The following PCDHA7 variants were observed in gnomAD, a reference collection of about 807,000 sequenced individuals.
PCDHA7 encodes protocadherin alpha-7.
Under a neutral mutation model 57.2 loss-of-function variants are expected in PCDHA7, and 37 were observed. The ratio of observed to expected loss-of-function variants is 0.65; its 90% CI spans 0.50 to 0.85. The LOEUF (loss-of-function observed/expected upper bound fraction) is 0.85, where lower values mean the gene tolerates loss of function less well. Among genes scored for constraint, PCDHA7 ranks in the 40% least tolerant of loss-of-function variants. PCDHA7 has a pLI of 0.00. For synonymous variants in PCDHA7, 553 were observed against 558.8 expected, an observed-to-expected ratio of 0.99 and a Z score of 0.15; for missense variants, 1,188 against 1,241.8, an observed-to-expected ratio of 0.96 and a Z score of 0.65.
At chr5:140,966,448 C>T (rs1198594007) in intron 1 of PCDHA7, 2 of 425,466 alleles carry the variant, frequency 4.7e-6, no homozygotes, top group Non-Finnish European at 8.2e-6. Context: ...TCCCTTTCCC[C>T]CTCCCCCTCT....
At chr5:140,869,951 CAATT>C (rs1554163647) in intron 1 of PCDHA7, 4 of 1,611,984 alleles carry the variant, frequency 2.5e-6, no homozygotes, top group Non-Finnish European at 3.4e-6. Flanking sequence ...TCCTTAATGT[CAATT>C]AAGCCCAATG....
rs2150352626 is a variant in PCDHA7, at chr5:140,843,105, G to T, written c.2355+6367G>T. On this transcript the variant is annotated intron_variant, in intron 1 of 3. Coordinates refer to ENST00000525929, the MANE Select transcript of PCDHA7 (RefSeq NM_018910.3). ...GCGGGCCACGTGGTAGCGAAGGTGC[G>T]CGCAGTGGACGCCGACTCGGGCTAC... 11 of 1,595,772 alleles carry T rather than the reference G, an allele frequency of 6.9e-6. 2 individuals carry two copies. Among genetic ancestry groups the T allele is most frequent in the Non-Finnish European group, 9.4e-6 (11 of 1,165,508 alleles).
chr5:140,868,138 A>G (rs1436780455), intron 1 of PCDHA7: 7 of 152,142 alleles, frequency 4.6e-5, no homozygotes, highest in African/African-American at 1.4e-4. Context: ...CTGTCATATC[A>G]TTGATTCTGT....
chr5:140,979,020 C>T lies in PCDHA7; in HGVS notation c.2414+13C>T. The T allele has an allele frequency of 6.2e-7, 1 of 1,613,708 alleles. No individual in the cohort carries two copies. Among genetic ancestry groups the T allele is most frequent in the Non-Finnish European group, 8.5e-7 (1 of 1,179,840 alleles). On this transcript the variant is annotated intron_variant, in intron 2 of 3. Transcript: ENST00000525929. ...CAGGCATGCACAGGTATGTATTTCC[C>T]TCCTCATTCACTCAGAAGTAACCTT...
chr5:140,869,211 G>C (rs375218342), intron 1 of PCDHA7: 26 of 1,613,838 alleles, frequency 1.6e-5, no homozygotes, highest in African/African-American at 1.5e-4. Flanking sequence ...ACTCCGTCTC[G>C]GAGGAGGCCA....
intron 1 of PCDHA7, among the ~76,000 whole-genome samples, chr5:140,904,057 G>T (rs1043471579): frequency 6.6e-6 from 1 of 151,986 alleles, no homozygotes; most frequent in Non-Finnish European, 1.5e-5. Context: ...ATTTCAATGG[G>T]TTTTTGGGGA....
intron 1 of PCDHA7, among the ~76,000 whole-genome samples, chr5:140,839,701 G>A (rs1342678083): frequency 6.6e-6 from 1 of 152,034 alleles, no homozygotes; most frequent in Non-Finnish European, 1.5e-5. Context: ...GGTAAATAAT[G>A]TGATGACAAA....
intron 1 of PCDHA7, chr5:140,966,810 G>A (rs1290992432): frequency 3.9e-6 from 6 of 1,548,566 alleles, no homozygotes; most frequent in African/African-American, 1.4e-5. Context: ...GAGCATCCAC[G>A]GCTCCGGCGG....
At chr5:140,857,799 T>A (rs1554150681) in intron 1 of PCDHA7, 1 of 1,597,340 alleles carries the variant, frequency 6.3e-7, no homozygotes, top group Non-Finnish European at 8.6e-7. Flanking sequence ...CTGCGGTCGG[T>A]GGTTGCGGGT....
At chr5:140,971,527 A>G (rs116818549) in intron 1 of PCDHA7, among the ~76,000 whole-genome samples, 2,035 of 152,284 alleles carry the variant, frequency 0.013, 20 homozygotes, top group Middle Eastern at 0.054. Context: ...CAGTTCTGAA[A>G]GTCATCATTG....
chr5:140,843,269 C>T, intron 1 of PCDHA7: 1 of 1,596,112 alleles, frequency 6.3e-7, no homozygotes, highest in Non-Finnish European at 8.6e-7. Flanking sequence ...TCTGCTGGTC[C>T]TGGTGAAGGA....
chr5:140,872,785 C>A (rs781982200), intron 1 of PCDHA7, among the ~76,000 whole-genome samples: 1 of 152,072 alleles, frequency 6.6e-6, no homozygotes, highest in Non-Finnish European at 1.5e-5. Context: ...ATAATATATG[C>A]TAGTTGGCAT....
intron 1 of PCDHA7, among the ~76,000 whole-genome samples, chr5:140,846,219 G>A (rs1780263856): frequency 6.7e-6 from 1 of 149,418 alleles, no homozygotes; most frequent in South Asian, 2.1e-4. Flanking sequence ...TCCATTAATA[G>A]TATTTTTCTT....
At chr5:140,877,456 A>G (rs782196648) in intron 1 of PCDHA7, 18 of 1,613,802 alleles carry the variant, frequency 1.1e-5, no homozygotes, top group Non-Finnish European at 1.5e-5. Flanking sequence ...GCTGACGTCC[A>G]CGGCCACGGT....
chr5:140,862,863 G>A (rs782640328), intron 1 of PCDHA7: 1 of 507,610 alleles, frequency 2.0e-6, no homozygotes, highest in South Asian at 1.4e-5. Flanking sequence ...GCAATGTGAC[G>A]CTGCCAGGTA....
chr5:140,875,531 T>G, intron 1 of PCDHA7: 1 of 1,614,100 alleles, frequency 6.2e-7, no homozygotes. Flanking sequence ...TCGCTTCTGC[T>G]CCTTGCAGCC....
At chr5:140,862,076 C>A (rs782160778) in intron 1 of PCDHA7, 1 of 157,430 alleles carries the variant, frequency 6.4e-6, no homozygotes, top group Non-Finnish European at 1.4e-5. Context: ...TCTCCCCTAA[C>A]ATAGAAGCCC....
intron 1 of PCDHA7, among the ~76,000 whole-genome samples, chr5:140,910,502 G>C (rs182167004): frequency 2.6e-4 from 39 of 152,266 alleles, no homozygotes. Flanking sequence ...CAATCACAAA[G>C]CTCTTCAAGG....
intron 1 of PCDHA7, chr5:140,876,450 G>T (rs2153340874): frequency 6.2e-7 from 1 of 1,614,012 alleles, no homozygotes; most frequent in Non-Finnish European, 8.5e-7. Context: ...TTGATAAAGG[G>T]ATTCCTTCCA....
Sources: gnomAD v4.1 joint callset for allele counts (sites outside exome capture counted in the v4.1 genomes callset) on GRCh38, gnomAD v4.1.1 for gene constraint, MANE v1.5 for transcripts, NCBI Gene and HGNC (gene_info 2026-07-23, HGNC 2026-07-21) for gene names.